The following ZNF562 variants were observed in gnomAD, a reference collection of about 807,000 sequenced individuals.
The protein encoded by ZNF562 is zinc finger protein 562.
ZNF562 carries 13 observed loss-of-function variants against 17.5 expected under a neutral mutation model. That is an observed-to-expected ratio of 0.74 (90% CI 0.48 to 1.18). The LOEUF (loss-of-function observed/expected upper bound fraction) is 1.18, where lower values mean the gene tolerates loss of function less well. ZNF562 is among the 50% of genes most tolerant of loss of function. The pLI is 0.00. For synonymous variants in ZNF562, 163 were observed against 165.4 expected, an observed-to-expected ratio of 0.99 and a Z score of 0.11; for missense variants, 481 against 498.5, an observed-to-expected ratio of 0.96 and a Z score of 0.33.
chr19:9,670,605 T>A lies in ZNF562; in HGVS notation c.-131+4410A>T, dbSNP rs1416246230. Among the ~76,000 whole-genome samples, 3 of 152,162 alleles carry A rather than the reference T, an allele frequency of 2.0e-5. No homozygotes were observed. In the East Asian group the frequency reaches 5.8e-4, roughly 29 times the overall value. ...CAGACAAATACCCCATATTCTCACA[T>A]GTGGGAGCTAAAAAGTGGATCTCAT... is the stretch of plus-strand genomic sequence containing the variant. On this transcript the variant is annotated intron_variant, in intron 1 of 5. Coordinates refer to ENST00000453372, the MANE Select transcript of ZNF562 (RefSeq NM_001130031.2).
rs1398013373 is a variant in ZNF562, at chr19:9,643,582, TTC to T, written c.*9365_*9366del. On this transcript the variant is annotated 3_prime_UTR_variant, in exon 6 of 6. Coordinates refer to ENST00000453372, the MANE Select transcript of ZNF562 (RefSeq NM_001130031.2). ...GTTCCTTCCTAGCTTCCTTTTTTCC[TTC>T]TTTTTTTTTTTTTTTTAAATGGAGT... 4.7e-5 allele frequency: 7 copies of T among 150,376 alleles called. No homozygotes were observed. The highest frequency in any genetic ancestry group is 7.4e-5 in the Non-Finnish European group (5 of 67,744). The allele number at this position is 150,376 out of a possible 1,614,324, so 9.3% of individuals were successfully genotyped here.
chr19:9,665,402 C>A (rs1430559579), intron 1 of ZNF562, among the ~76,000 whole-genome samples: 1 of 152,122 alleles, frequency 6.6e-6, no homozygotes, highest in Non-Finnish European at 1.5e-5. Context: ...AGGTGGACAA[C>A]CACCTTCTCC....
Position 9,668,198 on chromosome 19 carries a change from C to T in ZNF562, c.-131+6817G>A, listed in dbSNP as rs938051874. Reference sequence around the variant, plus strand: ...CAAGACCAGCCTGGGCAACATGGCACGGCTCAGTCTCAATTAAAAAAAAGA... The same window carrying T: ...CAAGACCAGCCTGGGCAACATGGCATGGCTCAGTCTCAATTAAAAAAAAGA... On this transcript the variant is annotated intron_variant, in intron 1 of 5. Transcript: ENST00000453372. 1.8e-4 allele frequency among the ~76,000 whole-genome samples: 27 copies of T among 151,610 alleles called. No homozygotes were observed. In the South Asian group the frequency reaches 1.9e-3, roughly 11 times the overall value.
intron 1 of ZNF562, among the ~76,000 whole-genome samples, chr19:9,661,318 ATATTAT>A (rs1187587128): frequency 6.6e-6 from 1 of 151,790 alleles, no homozygotes; most frequent in Non-Finnish European, 1.5e-5. Context: ...CCTTATTATT[ATATTAT>A]TATTATTATT....
intron 1 of ZNF562, among the ~76,000 whole-genome samples, chr19:9,669,724 GCGCGCGCGCGCACACACA>G (rs1295086879): frequency 2.2e-4 from 17 of 77,988 alleles, no homozygotes; most frequent in Middle Eastern, 5.3e-3. Context: ...GCGAGCGCGC[GCGCGCGCGCGCACACACA>G]CACACACACA....
chr19:9,650,359 T>C lies in ZNF562; in HGVS notation c.*2590A>G, dbSNP rs916209838. On this transcript the variant is annotated 3_prime_UTR_variant, in exon 6 of 6. Coordinates refer to ENST00000453372, the MANE Select transcript of ZNF562 (RefSeq NM_001130031.2). ...ACTCTTACTGTTCCACTTTAGGAGT[T>C]AGGTATACATACATATGTGTATATA... is the stretch of plus-strand genomic sequence containing the variant. 6 of 151,148 alleles carry C rather than the reference T, an allele frequency of 4.0e-5. No homozygotes were observed. Among genetic ancestry groups the C allele is most frequent in the Non-Finnish European group, 7.4e-5 (5 of 67,940 alleles). The allele number at this position is 151,148 out of a possible 1,614,324, so 9.4% of individuals were successfully genotyped here.
At chr19:9,654,988 T>G (rs2043408656) in intron 5 of ZNF562, among the ~76,000 whole-genome samples, 1 of 152,138 alleles carries the variant, frequency 6.6e-6, no homozygotes, top group Admixed American at 6.6e-5. Flanking sequence ...AACTGTCTTT[T>G]TTTGATTGTT....
Position 9,673,944 on chromosome 19 carries a change from CA to C in ZNF562, c.-131+1070del, listed in dbSNP as rs368066808. Among the ~76,000 whole-genome samples, 1,243 of 150,082 alleles carry C rather than the reference CA, an allele frequency of 8.3e-3. 18 individuals are homozygous for C. Among genetic ancestry groups the C allele is most frequent in the African/African-American group, 0.028 (1,165 of 40,962 alleles). On this transcript the variant is annotated intron_variant, in intron 1 of 5. Transcript: ENST00000453372. Reference sequence around the variant, plus strand: ...ATCATGTTATAAAGTTTTCATGCCACAAAAAAAAAGCACTCAAATATAACAT... The same window carrying C: ...ATCATGTTATAAAGTTTTCATGCCACAAAAAAAAGCACTCAAATATAACAT...
chr19:9,669,734 G>GCGCACA (rs1221319747), intron 1 of ZNF562, among the ~76,000 whole-genome samples: 1,241 of 109,156 alleles, frequency 0.011, 17 homozygotes, highest in East Asian at 0.018. Flanking sequence ...GCGCGCGCGC[G>GCGCACA]CACACACACA....
At chr19:9,658,705 T>C (rs1304319648) in intron 3 of ZNF562, among the ~76,000 whole-genome samples, 1 of 152,108 alleles carries the variant, frequency 6.6e-6, no homozygotes, top group Non-Finnish European at 1.5e-5. Context: ...TATTTATTTT[T>C]AATTTTTTAA....
In ZNF562 at chr19:9,650,137, C is replaced by G. The variant is rs1485142461; in HGVS notation, c.*2812G>C. On this transcript the variant is annotated 3_prime_UTR_variant, in exon 6 of 6. Coordinates refer to ENST00000453372, the MANE Select transcript of ZNF562 (RefSeq NM_001130031.2). The stretch of plus-strand genomic sequence containing the variant: ...AAATAGAGTGCATATCTCACCAGAA[C>G]TGCAAAGACAAGTATGCTGGTATTA... 6.6e-6 allele frequency: 1 copy of G among 152,104 alleles called. No individual in the cohort carries two copies. The highest frequency in any genetic ancestry group is 1.5e-5 in the Non-Finnish European group (1 of 68,030). 9.4% of individuals were successfully genotyped at this position (152,104 alleles called of 1,614,324 possible). A position where few individuals can be genotyped will look rare whatever the true frequency, so the allele number is the denominator to read the frequency against.
At chr19:9,660,256 C>T (rs142549043) in intron 2 of ZNF562, among the ~76,000 whole-genome samples, 4,652 of 151,282 alleles carry the variant, frequency 0.031, 242 homozygotes, top group African/African-American at 0.11. Context: ...GAGCAAGATT[C>T]GGTCTCAAAA....
chr19:9,654,146 G>T (rs749382066), intron 5 of ZNF562, among the ~76,000 whole-genome samples: 8 of 151,892 alleles, frequency 5.3e-5, no homozygotes, highest in Admixed American at 6.6e-5. Context: ...GTGCACTACT[G>T]CACTGGGGAG....
At chr19:9,657,846 C>G (rs1032086005) in intron 4 of ZNF562, among the ~76,000 whole-genome samples, 163 bp downstream of exon 4, 5 of 151,980 alleles carry the variant, frequency 3.3e-5, no homozygotes, top group Non-Finnish European at 7.4e-5. Context: ...CGGGACCGGC[C>G]TAGTCTTTAT....
In ZNF562 at chr19:9,653,098, C is replaced by G. The variant is rs1177697192; in HGVS notation, c.1132G>C (p.Gly378Arg). The G allele has an allele frequency of 6.8e-6, 11 of 1,610,664 alleles. No homozygotes were observed. Among genetic ancestry groups the G allele is most frequent in the Non-Finnish European group, 9.3e-6 (11 of 1,178,112 alleles). ...GEKPYQCKEC[G>R]KAFNRSSTLT... is the part of the protein sequence containing the mutation. ...GTTGAAGATCTATTGAAGGCTTTCCCACATTCCTTACACTGATAGGGTTTC... is the reference window on the plus strand; with the variant it reads ...GTTGAAGATCTATTGAAGGCTTTCCGACATTCCTTACACTGATAGGGTTTC... The change falls in exon 6 of 6, where the codon GGG becomes CGG. Residue 378 changes from glycine (G) to arginine (R), a missense_variant. By Grantham distance (125) the Gly-to-Arg change is moderately radical. This residue lies in a region of ZNF562 where 78 missense variants were observed against 112.0 expected (regional missense o/e 0.70). Coordinates refer to ENST00000453372, the MANE Select transcript of ZNF562 (RefSeq NM_001130031.2).
At chr19:9,667,506 G>T (rs1473061981) in intron 1 of ZNF562, among the ~76,000 whole-genome samples, 2 of 152,128 alleles carry the variant, frequency 1.3e-5, no homozygotes, top group Non-Finnish European at 2.9e-5. Flanking sequence ...AATACTATAA[G>T]TTCTGGCCAG....
In ZNF562 at chr19:9,657,997, T is replaced by C. The variant is rs761562731; in HGVS notation, c.241+12A>G. The C allele has an allele frequency of 3.2e-5, 51 of 1,605,822 alleles. No individual in the cohort carries two copies. The highest frequency in any genetic ancestry group is 3.8e-5 in the Non-Finnish European group (45 of 1,175,124). ...CAGGCCACCATGCCAAGCAAAGTGA[T>C]GTTACTCTTACCCACAGAGGCCAGG... On this transcript the variant is annotated intron_variant, in intron 4 of 5. Coordinates refer to ENST00000453372, the MANE Select transcript of ZNF562 (RefSeq NM_001130031.2).
At chr19:9,660,425 A>G (rs2043692196) in intron 2 of ZNF562, among the ~76,000 whole-genome samples, 1 of 152,010 alleles carries the variant, frequency 6.6e-6, no homozygotes, top group African/African-American at 2.4e-5. Context: ...TCGGGAGTTC[A>G]AGACCGGCCT....
Position 9,651,252 on chromosome 19 carries a change from A to G in ZNF562, c.*1697T>C, listed in dbSNP as rs1315284112. ...GAGGTGTCATTGGGGAATGAGGAAC[A>G]TGCTATTGGGAAATGAAGAAAAGAC... On this transcript the variant is annotated 3_prime_UTR_variant, in exon 6 of 6. Transcript: ENST00000453372. 1 of 152,218 alleles carries G rather than the reference A, an allele frequency of 6.6e-6. No homozygotes were observed. Among genetic ancestry groups the G allele is most frequent in the Non-Finnish European group, 1.5e-5 (1 of 68,062 alleles). The allele number at this position is 152,218 out of a possible 1,614,324, so 9.4% of individuals were successfully genotyped here.
Sources: gnomAD v4.1 joint callset for allele counts (sites outside exome capture counted in the v4.1 genomes callset) on GRCh38, gnomAD v4.1.1 for gene constraint, gnomAD v4.1.1 regional missense constraint, MANE v1.5 for transcripts, NCBI Gene and HGNC (gene_info 2026-07-23, HGNC 2026-07-21) for gene names.